SMARCC1: variants seen among roughly 807,000 people sequenced by gnomAD.
SMARCC1 encodes the protein SWI/SNF complex subunit SMARCC1.
In SMARCC1, 43 loss-of-function variants were observed where a neutral mutation model predicts 147.4. The observed-to-expected ratio is 0.29, with a 90% confidence interval of 0.23 to 0.38. SMARCC1 has a LOEUF of 0.38. Ranked by LOEUF, SMARCC1 falls within the 10% of genes least tolerant of loss-of-function variation. SMARCC1 has a pLI of 1.00. For missense variants in SMARCC1, 1,119 were observed against 1,381.1 expected (o/e 0.81, Z 3.01); for synonymous variants, 495 against 484.4 (o/e 1.02, Z -0.29).
At chr3:47,671,667 C>T (rs1488880204) in intron 18 of SMARCC1, among the ~76,000 whole-genome samples, 1 of 152,118 alleles carries the variant, frequency 6.6e-6, no homozygotes, top group Non-Finnish European at 1.5e-5. Flanking sequence ...TCTTTATCTG[C>T]AGACCCTGCT....
chr3:47,608,849 TAAA>T (rs35698988), intron 26 of SMARCC1, among the ~76,000 whole-genome samples: 14 of 86,850 alleles, frequency 1.6e-4, no homozygotes, highest in Non-Finnish European at 2.4e-4. Flanking sequence ...ACAGTGTCTT[TAAA>T]AAAAAAAAAA....
intron 25 of SMARCC1, among the ~76,000 whole-genome samples, chr3:47,621,335 AC>A (rs1487636613): frequency 1.3e-5 from 2 of 151,744 alleles, no homozygotes; most frequent in African/African-American, 2.4e-5. Flanking sequence ...AAATCGTTCT[AC>A]CAAAAATGCA....
At chr3:47,767,940 A>C (rs2034860908) in intron 2 of SMARCC1, among the ~76,000 whole-genome samples, 1 of 151,310 alleles carries the variant, frequency 6.6e-6, no homozygotes, top group African/African-American at 2.4e-5. Context: ...GGCTCAAGTG[A>C]TCCTCCCACC....
At chr3:47,766,799 T>C (rs1183029445) in intron 2 of SMARCC1, among the ~76,000 whole-genome samples, 1 of 152,196 alleles carries the variant, frequency 6.6e-6, no homozygotes, top group Non-Finnish European at 1.5e-5. Context: ...CTTAGCCTTA[T>C]GAAATGCTTG....
intron 12 of SMARCC1, among the ~76,000 whole-genome samples, chr3:47,689,810 G>T (rs1474705232): frequency 1.3e-5 from 2 of 152,162 alleles, no homozygotes; most frequent in East Asian, 3.8e-4. Context: ...AAAAACGGGT[G>T]ATAACCAATC....
chr3:47,740,816 A>G (rs2034500465), intron 3 of SMARCC1, among the ~76,000 whole-genome samples: 1 of 148,140 alleles, frequency 6.8e-6, no homozygotes, highest in African/African-American at 2.5e-5. Context: ...TATAAACTGC[A>G]CTCCAGCCTG....
At chr3:47,627,257 A>C (rs2032823283) in intron 24 of SMARCC1, among the ~76,000 whole-genome samples, 1 of 152,004 alleles carries the variant, frequency 6.6e-6, no homozygotes. Context: ...ATAGTACTGA[A>C]GGTTGAAGAA....
chr3:47,737,911 C>A, intron 4 of SMARCC1, 118 bp downstream of exon 4: 1 of 525,906 alleles, frequency 1.9e-6, no homozygotes. Context: ...ATCCGCCTTG[C>A]CTCGGCCTCC....
chr3:47,710,866 A>G, intron 8 of SMARCC1, 58 bp from the exon 9 acceptor site: 1 of 1,465,240 alleles, frequency 6.8e-7, no homozygotes, highest in Non-Finnish European at 9.3e-7. Flanking sequence ...TCAAGGTTTT[A>G]CAGTATTGAG....
intron 2 of SMARCC1, among the ~76,000 whole-genome samples, chr3:47,768,443 T>A (rs1009767125): frequency 1.3e-5 from 2 of 152,058 alleles, no homozygotes; most frequent in Admixed American, 6.6e-5. Flanking sequence ...TTCCCAGGAG[T>A]CAAATAGCCT....
intron 2 of SMARCC1, among the ~76,000 whole-genome samples, chr3:47,752,024 C>T (rs967149335): frequency 1.3e-5 from 2 of 152,060 alleles, no homozygotes; most frequent in Non-Finnish European, 2.9e-5. Context: ...GCAGAGGTTG[C>T]GATGAACCGA....
At chr3:47,659,303 A>G (rs2033307930) in intron 21 of SMARCC1, among the ~76,000 whole-genome samples, 1 of 151,270 alleles carries the variant, frequency 6.6e-6, no homozygotes, top group Non-Finnish European at 1.5e-5. Flanking sequence ...GAAAAAAAAA[A>G]GAACAATTCC....
At chr3:47,749,326 G>C (rs2034600975) in intron 2 of SMARCC1, among the ~76,000 whole-genome samples, 1 of 151,472 alleles carries the variant, frequency 6.6e-6, no homozygotes, top group African/African-American at 2.4e-5. Flanking sequence ...GGCATATTTT[G>C]TTACAGATAT....
At chr3:47,588,873 G>T (rs569336186) in intron 27 of SMARCC1, among the ~76,000 whole-genome samples, 2 of 152,166 alleles carry the variant, frequency 1.3e-5, no homozygotes, top group East Asian at 3.9e-4. Flanking sequence ...GCAGTCCTTC[G>T]ATTTTTGGCC....
chr3:47,673,801 A>C (rs190157999), intron 18 of SMARCC1, among the ~76,000 whole-genome samples: 143 of 152,332 alleles, frequency 9.4e-4, no homozygotes, highest in African/African-American at 3.3e-3. Flanking sequence ...ATAATACTCA[A>C]ATCAAAACCC....
intron 21 of SMARCC1, among the ~76,000 whole-genome samples, chr3:47,639,609 G>A (rs565514205): frequency 5.8e-4 from 88 of 152,218 alleles, no homozygotes; most frequent in Non-Finnish European, 1.0e-3. Context: ...AGTTACTCAG[G>A]AGTCTGAGGC....
chr3:47,595,889 C>T (rs912999735), intron 26 of SMARCC1, among the ~76,000 whole-genome samples: 3 of 151,800 alleles, frequency 2.0e-5, no homozygotes, highest in Admixed American at 2.0e-4. Flanking sequence ...CACGTGCCAC[C>T]ACGCCCAGCT....
In SMARCC1 at chr3:47,770,604, C is replaced by T. The variant is rs187960377; in HGVS notation, c.315+2213G>A. 2.0e-3 allele frequency among the ~76,000 whole-genome samples: 303 copies of T among 152,112 alleles called. 3 individuals are homozygous for T. Among genetic ancestry groups the T allele is most frequent in the African/African-American group, 6.7e-3 (280 of 41,500 alleles). On this transcript the variant is annotated intron_variant, in intron 2 of 27. Coordinates refer to ENST00000254480, the MANE Select transcript of SMARCC1 (RefSeq NM_003074.4). ...CACCACTGCACTGCAGCCTGGGCAACACAGCAAGACTTTGACTCCAAAAAA... is the reference window on the plus strand; with the variant it reads ...CACCACTGCACTGCAGCCTGGGCAATACAGCAAGACTTTGACTCCAAAAAA...
chr3:47,612,380 G>A (rs184401538), intron 25 of SMARCC1, among the ~76,000 whole-genome samples: 62 of 152,270 alleles, frequency 4.1e-4, no homozygotes, highest in Admixed American at 7.2e-4. Flanking sequence ...GAACAGCTTG[G>A]CTGTAGTCCT....
Sources: gnomAD v4.1 joint callset for allele counts (sites outside exome capture counted in the v4.1 genomes callset) on GRCh38, gnomAD v4.1.1 for gene constraint, MANE v1.5 for transcripts, NCBI Gene and HGNC (gene_info 2026-07-23, HGNC 2026-07-21) for gene names.